The following EPSTI1 variants were observed in gnomAD, a reference collection of about 807,000 sequenced individuals.
EPSTI1 encodes epithelial-stromal interaction protein 1.
EPSTI1 carries 66 observed loss-of-function variants against 49.9 expected under a neutral mutation model. That is an observed-to-expected ratio of 1.32 (90% CI 1.08 to 1.62). The LOEUF is 1.62. EPSTI1 is among the 40% of genes most tolerant of loss of function. EPSTI1 has a pLI of 0.00. For synonymous variants in EPSTI1, 137 were observed against 130.7 expected (o/e 1.05, Z -0.33); for missense variants, 394 against 365.5 (o/e 1.08, Z -0.64).
intron 8 of EPSTI1, among the ~76,000 whole-genome samples, chr13:42,901,102 G>A (rs2037340030): frequency 6.6e-6 from 1 of 151,988 alleles, no homozygotes; most frequent in East Asian, 1.9e-4. Flanking sequence ...TCTACCCTAA[G>A]GCAGAATAAA....
rs114036684 is a variant in EPSTI1, at chr13:42,948,060, G to A, written c.563+5888C>T. Among the ~76,000 whole-genome samples the A allele has an allele frequency of 3.5e-3, 533 of 152,364 alleles. 3 individuals are homozygous for A. The highest frequency in any genetic ancestry group is 0.012 in the African/African-American group (505 of 41,594). On this transcript the variant is annotated intron_variant, in intron 6 of 10. Transcript: ENST00000313624. The stretch of plus-strand genomic sequence containing the variant: ...CACCTTCCAGGCCTCACCCCACAGC[G>A]CTCTCCACGGTGTTCCCGCAGCTGC...
intron 6 of EPSTI1, among the ~76,000 whole-genome samples, chr13:42,943,213 A>G (rs976661204): frequency 6.6e-6 from 1 of 152,222 alleles, no homozygotes; most frequent in Non-Finnish European, 1.5e-5. Context: ...GGGACCACAT[A>G]TTCCCCCAGG....
At chr13:42,957,111 C>G (rs1171972189) in intron 5 of EPSTI1, among the ~76,000 whole-genome samples, 1 of 152,074 alleles carries the variant, frequency 6.6e-6, no homozygotes, top group Non-Finnish European at 1.5e-5. Context: ...AAAGGACAGT[C>G]TTCAGAAAAA....
chr13:42,955,876 T>TG (rs1240727563), intron 5 of EPSTI1, among the ~76,000 whole-genome samples: 6 of 25,506 alleles, frequency 2.4e-4, no homozygotes, highest in African/African-American at 4.0e-4. Flanking sequence ...GAAGAAGTAT[T>TG]TGGGGGGGGG....
chr13:42,888,509 G>A lies in EPSTI1; in HGVS notation c.916-7C>T. Reference sequence around the variant, plus strand: ...CAATATTTTCTCATATACCCTGGAAGAAAAAGAAAACAAAAATTACTGCAA... The same window carrying A: ...CAATATTTTCTCATATACCCTGGAAAAAAAAGAAAACAAAAATTACTGCAA... On this transcript the variant is annotated splice_region_variant and splice_polypyrimidine_tract_variant and intron_variant, in intron 10 of 10. Transcript: ENST00000313624. 1 of 1,579,794 alleles carries A rather than the reference G, an allele frequency of 6.3e-7. No homozygotes were observed.
At chr13:42,917,417 T>C in intron 8 of EPSTI1, 124 bp downstream of exon 8, 2 of 889,840 alleles carry the variant, frequency 2.2e-6, no homozygotes, top group Non-Finnish European at 3.5e-6. Context: ...CCTTTTATTT[T>C]CAATGCTTGT....
chr13:42,904,539 C>A (rs1329227055), intron 8 of EPSTI1, among the ~76,000 whole-genome samples: 2 of 152,160 alleles, frequency 1.3e-5, no homozygotes, highest in African/African-American at 2.4e-5. Flanking sequence ...ACATCTCTTG[C>A]AGAAGTGTTC....
chr13:42,948,747 G>A (rs2039002306), intron 6 of EPSTI1, among the ~76,000 whole-genome samples: 1 of 152,142 alleles, frequency 6.6e-6, no homozygotes, highest in Non-Finnish European at 1.5e-5. Context: ...AAAGTGCTGG[G>A]ATTACAGGTG....
intron 6 of EPSTI1, among the ~76,000 whole-genome samples, chr13:42,944,901 C>T (rs997115296): frequency 1.5e-4 from 23 of 152,152 alleles, no homozygotes; most frequent in African/African-American, 5.3e-4. Flanking sequence ...ATATGAGTGA[C>T]TTCTGCTTCT....
chr13:42,892,335 G>A (rs2037061090), intron 10 of EPSTI1, among the ~76,000 whole-genome samples: 1 of 152,218 alleles, frequency 6.6e-6, no homozygotes, highest in African/African-American at 2.4e-5. Context: ...AATTGTGGGA[G>A]TAAGGAAACC....
chr13:42,964,693 C>T (rs2039555925), intron 3 of EPSTI1, among the ~76,000 whole-genome samples: 2 of 152,194 alleles, frequency 1.3e-5, no homozygotes, highest in Non-Finnish European at 2.9e-5. Flanking sequence ...AGTAACTGAT[C>T]ATCAATCCAT....
chr13:42,917,520 C>G (rs546045106), intron 8 of EPSTI1, 21 bp downstream of exon 8: 4 of 1,590,866 alleles, frequency 2.5e-6, no homozygotes, highest in Non-Finnish European at 3.4e-6. Flanking sequence ...TTAGCAATAA[C>G]TAGTAGGGGC....
intron 3 of EPSTI1, among the ~76,000 whole-genome samples, chr13:42,967,553 G>T (rs2039654333): frequency 6.6e-6 from 1 of 152,148 alleles, no homozygotes; most frequent in Non-Finnish European, 1.5e-5. Flanking sequence ...CCAACCTAAA[G>T]CCATCTAAAG....
At chr13:42,888,555 G>C in intron 10 of EPSTI1, 53 bp from the exon 11 acceptor site, 2 of 1,544,474 alleles carry the variant, frequency 1.3e-6, no homozygotes, top group East Asian at 2.3e-5. Flanking sequence ...AAAATTCAAA[G>C]CCTTTGTAGT....
chr13:42,921,128 T>C lies in EPSTI1; in HGVS notation c.658-3504A>G, dbSNP rs544744375. On this transcript the variant is annotated intron_variant, in intron 7 of 10. Transcript: ENST00000313624. ...ATAAGTCAGAGATAACACAAGAAAA[T>C]CATCTAGAACTAGAGATGAATTTCC... Among the ~76,000 whole-genome samples the C allele has an allele frequency of 1.9e-3, 287 of 151,588 alleles. 2 individuals carry two copies. Among genetic ancestry groups the C allele is most frequent in the African/African-American group, 6.7e-3 (276 of 41,308 alleles).
At chr13:42,951,134 G>A (rs1450240817) in intron 6 of EPSTI1, among the ~76,000 whole-genome samples, 1 of 151,874 alleles carries the variant, frequency 6.6e-6, no homozygotes, top group African/African-American at 2.4e-5. Flanking sequence ...TCCAGCCTGA[G>A]CAACAGAGCA....
chr13:42,918,198 C>CA, intron 7 of EPSTI1, among the ~76,000 whole-genome samples: 1 of 152,176 alleles, frequency 6.6e-6, no homozygotes, highest in Non-Finnish European at 1.5e-5. Context: ...GAACACATGA[C>CA]AACAAAGCCT....
At chr13:42,957,555 A>T (rs1033063454) in intron 5 of EPSTI1, among the ~76,000 whole-genome samples, 1 of 152,120 alleles carries the variant, frequency 6.6e-6, no homozygotes, top group African/African-American at 2.4e-5. Context: ...CTTAATAGTT[A>T]ATTTTAAATT....
At chr13:42,889,827 G>A (rs2036975627) in intron 10 of EPSTI1, among the ~76,000 whole-genome samples, 1 of 151,962 alleles carries the variant, frequency 6.6e-6, no homozygotes, top group South Asian at 2.1e-4. Context: ...TATACCTTGG[G>A]TCTTACAAAA....
Sources: gnomAD v4.1 joint callset for allele counts (sites outside exome capture counted in the v4.1 genomes callset) on GRCh38, gnomAD v4.1.1 for gene constraint, MANE v1.5 for transcripts, NCBI Gene and HGNC (gene_info 2026-07-23, HGNC 2026-07-21) for gene names.